Variants in MYT1L observed in about 807,000 individuals in gnomAD.
MYT1L encodes myelin transcription factor 1-like protein.
Under a neutral mutation model 126.7 loss-of-function variants are expected in MYT1L, and 12 were observed. That is an observed-to-expected ratio of 0.09 (90% CI 0.06 to 0.15). The LOEUF (loss-of-function observed/expected upper bound fraction) is 0.15. Ranked by LOEUF, MYT1L falls within the 10% of genes least tolerant of loss-of-function variation. The pLI is 1.00. For synonymous variants in MYT1L, 541 were observed against 604.2 expected, an observed-to-expected ratio of 0.90 and a Z score of 1.53; for missense variants, 979 against 1,585.2, an observed-to-expected ratio of 0.62 and a Z score of 6.49.
At chr2:2,137,660 G>C (rs190283963) in intron 3 of MYT1L, among the ~76,000 whole-genome samples, 18 of 152,106 alleles carry the variant, frequency 1.2e-4, no homozygotes, top group East Asian at 9.7e-4. Context: ...AAACTGGATC[G>C]CTTCCTTACA....
rs2077324643 is a variant in MYT1L, at chr2:2,095,249, C to CAACA, written c.-303-41130_-303-41127dup. 1.3e-5 allele frequency among the ~76,000 whole-genome samples: 2 copies of CAACA among 152,212 alleles called. 1 individual carries two copies. The highest frequency in any genetic ancestry group is 1.3e-4 in the Admixed American group (2 of 15,282). On this transcript the variant is annotated intron_variant, in intron 3 of 24. Coordinates refer to ENST00000647738, the MANE Select transcript of MYT1L (RefSeq NM_001303052.2). ...GCTTTCTGGGACACAGCAATGCAGA[C>CAACA]AACAGAGAGGACAGCATCCAGGCCA...
chr2:1,991,233 C>T (rs1207073157), intron 5 of MYT1L, among the ~76,000 whole-genome samples: 1 of 152,184 alleles, frequency 6.6e-6, no homozygotes, highest in East Asian at 1.9e-4. Flanking sequence ...GGATCCGGGG[C>T]TCCTGTTGGA....
intron 3 of MYT1L, among the ~76,000 whole-genome samples, chr2:2,078,944 G>A (rs1262911621): frequency 6.6e-6 from 1 of 152,176 alleles, no homozygotes; most frequent in Non-Finnish European, 1.5e-5. Flanking sequence ...TCCTTGGAAG[G>A]TGATTAGGTC....
intron 10 of MYT1L, among the ~76,000 whole-genome samples, chr2:1,919,592 A>G (rs2053299001): frequency 6.6e-6 from 1 of 152,230 alleles, no homozygotes; most frequent in South Asian, 2.1e-4. Flanking sequence ...TGAGAATACA[A>G]GTGTTCTCTC....
chr2:2,182,281 G>C (rs760441560), intron 2 of MYT1L, among the ~76,000 whole-genome samples: 2 of 152,164 alleles, frequency 1.3e-5, no homozygotes, highest in Non-Finnish European at 2.9e-5. Context: ...TGTTAGAACA[G>C]TACCCATGCC....
At chr2:1,884,488 C>T (rs1383485813) in intron 18 of MYT1L, among the ~76,000 whole-genome samples, 1 of 152,142 alleles carries the variant, frequency 6.6e-6, no homozygotes, top group Non-Finnish European at 1.5e-5. Flanking sequence ...AAAGGGGTCA[C>T]CAATTACAAG....
chr2:1,920,194 C>T (rs915930392), intron 10 of MYT1L, among the ~76,000 whole-genome samples: 3 of 152,184 alleles, frequency 2.0e-5, no homozygotes, highest in African/African-American at 2.4e-5. Flanking sequence ...TGCAACCTTT[C>T]CTCCCAAGAG....
At chr2:2,022,311 C>T (rs1304667797) in intron 4 of MYT1L, among the ~76,000 whole-genome samples, 2 of 152,154 alleles carry the variant, frequency 1.3e-5, no homozygotes, top group African/African-American at 2.4e-5. Flanking sequence ...GTACCCACCT[C>T]GAAGTGGTCT....
intron 4 of MYT1L, among the ~76,000 whole-genome samples, chr2:2,022,779 A>G (rs1285195840): frequency 6.6e-6 from 1 of 152,202 alleles, no homozygotes; most frequent in Non-Finnish European, 1.5e-5. Flanking sequence ...CTTTCCAAAA[A>G]CAATGATTCA....
At chr2:1,858,199 A>G (rs911114575) in intron 18 of MYT1L, among the ~76,000 whole-genome samples, 1 of 152,236 alleles carries the variant, frequency 6.6e-6, no homozygotes, top group Non-Finnish European at 1.5e-5. Flanking sequence ...TTGTTGTCAT[A>G]TAAATGGGAA....
At chr2:2,134,080 C>T (rs2082726012) in intron 3 of MYT1L, among the ~76,000 whole-genome samples, 1 of 152,168 alleles carries the variant, frequency 6.6e-6, no homozygotes. Context: ...CACAATTCAA[C>T]GTTTCCAAAA....
chr2:2,200,063 A>G (rs918239441), intron 2 of MYT1L, among the ~76,000 whole-genome samples: 2 of 152,106 alleles, frequency 1.3e-5, no homozygotes, highest in African/African-American at 4.8e-5. Flanking sequence ...TACAAAATGC[A>G]TGTCTATAAA....
At chr2:2,101,461 C>T (rs747769708) in intron 3 of MYT1L, among the ~76,000 whole-genome samples, 1 of 152,078 alleles carries the variant, frequency 6.6e-6, no homozygotes, top group South Asian at 2.1e-4. Context: ...TACCACCCAC[C>T]CACCCACCAA....
At chr2:2,257,202 A>G (rs1490611348) in intron 2 of MYT1L, among the ~76,000 whole-genome samples, 1 of 152,174 alleles carries the variant, frequency 6.6e-6, no homozygotes, top group Non-Finnish European at 1.5e-5. Context: ...TTCCCGAATT[A>G]GTAGGACCCT....
intron 8 of MYT1L, among the ~76,000 whole-genome samples, chr2:1,951,913 A>G (rs993697790): frequency 6.6e-6 from 1 of 152,270 alleles, no homozygotes; most frequent in Non-Finnish European, 1.5e-5. Context: ...TGTCAGAAAT[A>G]GTTGAAATCA....
intron 2 of MYT1L, among the ~76,000 whole-genome samples, chr2:2,254,479 G>C (rs1029530349): frequency 5.9e-5 from 9 of 152,166 alleles, no homozygotes; most frequent in African/African-American, 1.9e-4. Flanking sequence ...TGAGAGAAGG[G>C]ACTCTAGAGC....
intron 18 of MYT1L, among the ~76,000 whole-genome samples, chr2:1,884,679 T>C (rs985715336): frequency 2.6e-5 from 4 of 152,224 alleles, no homozygotes; most frequent in African/African-American, 9.6e-5. Flanking sequence ...TCTATCAGAA[T>C]AGGATTGACT....
intron 18 of MYT1L, among the ~76,000 whole-genome samples, chr2:1,870,013 C>T (rs889406961): frequency 6.6e-6 from 1 of 152,140 alleles, no homozygotes; most frequent in African/African-American, 2.4e-5. Context: ...GGTTGATGAG[C>T]CATCAGGGTT....
At position 2,066,775 on chromosome 2, in the gene MYT1L, G is replaced by A. The variant is rs35173092; in HGVS notation, c.-303-12652C>T. On this transcript the variant is annotated intron_variant, in intron 3 of 24. Transcript: ENST00000647738. ...AGAAGAACTGACCAAGAAATATCTG[G>A]ACCAGATGGCGGAGCTCAGGAAGCC... 2.5e-3 allele frequency among the ~76,000 whole-genome samples: 387 copies of A among 152,340 alleles called. 8 individuals are homozygous for A. Among genetic ancestry groups the A allele is most frequent in the Admixed American group, 0.021 (320 of 15,304 alleles).
Sources: allele counts gnomAD v4.1 joint callset (sites outside exome capture counted in the v4.1 genomes callset), GRCh38; gene constraint gnomAD v4.1.1; transcripts MANE v1.5; gene names NCBI Gene and HGNC (gene_info 2026-07-23, HGNC 2026-07-21).